IPCEF1: variants seen among roughly 807,000 people sequenced by gnomAD.
IPCEF1 encodes the protein interactor protein for cytohesin exchange factors 1.
In IPCEF1, 31 loss-of-function variants were observed where a neutral mutation model predicts 50.9. The ratio of observed to expected loss-of-function variants is 0.61; its 90% confidence interval spans 0.46 to 0.82. The LOEUF is 0.82. Among genes scored for constraint, IPCEF1 ranks in the 40% least tolerant of loss-of-function variants. The pLI, the probability that IPCEF1 is intolerant of heterozygous loss-of-function variation, is 0.00. For missense variants in IPCEF1, 458 were observed against 514.0 expected (o/e 0.89, Z 1.05); for synonymous variants, 181 against 192.0 (o/e 0.94, Z 0.47).
At chr6:154,335,116 C>T (rs1584000940) in intron 1 of IPCEF1, among the ~76,000 whole-genome samples, 1 of 151,742 alleles carries the variant, frequency 6.6e-6, no homozygotes, top group South Asian at 2.1e-4. Context: ...AGTTTGAGAC[C>T]AGCCTGGGCA....
At chr6:154,182,429 AC>A (rs1800969279) in intron 10 of IPCEF1, among the ~76,000 whole-genome samples, 1 of 152,088 alleles carries the variant, frequency 6.6e-6, no homozygotes, top group African/African-American at 2.4e-5. Flanking sequence ...TCTTAAGTTG[AC>A]TCCATTGCTC....
chr6:154,238,671 C>A (rs1362154301), intron 5 of IPCEF1, among the ~76,000 whole-genome samples: 1 of 151,970 alleles, frequency 6.6e-6, no homozygotes, highest in Non-Finnish European at 1.5e-5. Context: ...TTCCTATGAG[C>A]ACATACTACT....
chr6:154,252,969 C>T (rs1055297796), intron 3 of IPCEF1, among the ~76,000 whole-genome samples: 2 of 152,246 alleles, frequency 1.3e-5, no homozygotes, highest in African/African-American at 4.8e-5. Context: ...TACAGATACA[C>T]ACTTAGAAAG....
chr6:154,160,763 C>T (rs1339280777), intron 11 of IPCEF1, among the ~76,000 whole-genome samples: 1 of 152,118 alleles, frequency 6.6e-6, no homozygotes, highest in East Asian at 1.9e-4. Context: ...AATATTCAGC[C>T]CTGACAATTG....
intron 1 of IPCEF1, among the ~76,000 whole-genome samples, chr6:154,331,390 A>AGAAC (rs1252890739): frequency 7.2e-6 from 1 of 138,452 alleles, no homozygotes; most frequent in Admixed American, 7.5e-5. Flanking sequence ...AAAGAAAGAA[A>AGAAC]GAAAGAAAGA....
intron 1 of IPCEF1, among the ~76,000 whole-genome samples, chr6:154,329,136 G>C (rs917501597): frequency 2.0e-4 from 31 of 152,168 alleles, no homozygotes; most frequent in African/African-American, 7.2e-4. Flanking sequence ...AATCTGCCAC[G>C]TGCAGTGGCT....
intron 2 of IPCEF1, among the ~76,000 whole-genome samples, chr6:154,285,545 C>T (rs1164921258): frequency 1.3e-5 from 2 of 151,976 alleles, no homozygotes; most frequent in African/African-American, 4.8e-5. Context: ...TTAACCTGCC[C>T]TCTCAATAAT....
Position 154,293,311 on chromosome 6 carries a change from G to C in IPCEF1, c.-61-3555C>G, listed in dbSNP as rs114807200. ...CAATACAACCCAAGTCCAGGTCAGC[G>C]CAACTGCAGATGCTTATCTGGGTGG... is the stretch of plus-strand genomic sequence containing the variant. On this transcript the variant is annotated intron_variant, in intron 1 of 11. Transcript: ENST00000367220. Among the ~76,000 whole-genome samples, 1,294 of 152,274 alleles carry C rather than the reference G, an allele frequency of 8.5e-3. 22 individuals carry two copies. The highest frequency in any genetic ancestry group is 0.029 in the African/African-American group (1,221 of 41,562).
chr6:154,339,909 A>G (rs748359391), intron 1 of IPCEF1, among the ~76,000 whole-genome samples: 10 of 151,814 alleles, frequency 6.6e-5, no homozygotes, highest in Non-Finnish European at 1.3e-4. Flanking sequence ...GTGATAATTT[A>G]ATTTCAAGCA....
chr6:154,248,555 A>G (rs534281220), intron 3 of IPCEF1, among the ~76,000 whole-genome samples: 1 of 152,300 alleles, frequency 6.6e-6, no homozygotes, highest in South Asian at 2.1e-4. Flanking sequence ...CCTGGCTTAT[A>G]GTCTACATAT....
chr6:154,200,513 G>A (rs563213106), intron 9 of IPCEF1, among the ~76,000 whole-genome samples: 1 of 152,282 alleles, frequency 6.6e-6, no homozygotes, highest in African/African-American at 2.4e-5. Flanking sequence ...CTGAGGCCGG[G>A]AGTTTGAGAC....
At chr6:154,285,292 T>C (rs1200325989) in intron 2 of IPCEF1, among the ~76,000 whole-genome samples, 1 of 152,210 alleles carries the variant, frequency 6.6e-6, no homozygotes, top group Non-Finnish European at 1.5e-5. Flanking sequence ...TTTCACTTGC[T>C]GAGAAAACTT....
At chr6:154,273,371 A>G (rs1781946199) in intron 2 of IPCEF1, among the ~76,000 whole-genome samples, 1 of 152,224 alleles carries the variant, frequency 6.6e-6, no homozygotes, top group Non-Finnish European at 1.5e-5. Context: ...GCAAACGTCC[A>G]CACTCTACTG....
At chr6:154,337,820 G>A (rs745783475) in intron 1 of IPCEF1, among the ~76,000 whole-genome samples, 29 of 152,194 alleles carry the variant, frequency 1.9e-4, no homozygotes, top group Non-Finnish European at 1.8e-4. Flanking sequence ...ATGCAAAAGT[G>A]ATCAGGCCCA....
chr6:154,281,939 G>C (rs867163399), intron 2 of IPCEF1, among the ~76,000 whole-genome samples: 1 of 152,322 alleles, frequency 6.6e-6, no homozygotes, highest in East Asian at 1.9e-4. Context: ...AGAAGGTAGA[G>C]GTTGCAATGA....
chr6:154,221,353 CAT>C, intron 6 of IPCEF1, 25 bp from the exon 7 acceptor site: 1 of 1,599,680 alleles, frequency 6.3e-7, no homozygotes, highest in Non-Finnish European at 8.6e-7. Context: ...AGCACAAACA[CAT>C]AAAAAATTAG....
intron 5 of IPCEF1, among the ~76,000 whole-genome samples, chr6:154,242,697 G>A (rs1395225216): frequency 6.6e-6 from 1 of 152,120 alleles, no homozygotes; most frequent in Non-Finnish European, 1.5e-5. Context: ...GACTAGCCTG[G>A]CCAAGGTGGT....
rs201561354 is a variant in IPCEF1 at position 154,299,887 on chromosome 6, T to TA, written c.-61-10132dup. Among the ~76,000 whole-genome samples the TA allele has an allele frequency of 1.3e-3, 170 of 133,766 alleles. 12 individuals are homozygous for TA. The East Asian group carries it at 0.018, about 14-fold the overall frequency. The allele number at this position is 133,766 out of a possible 152,430, so 87.8% of individuals were successfully genotyped here. A position where few individuals can be genotyped will look rare whatever the true frequency, so the allele number is the denominator to read the frequency against. On this transcript the variant is annotated intron_variant, in intron 1 of 11. Coordinates refer to ENST00000367220, the MANE Select transcript of IPCEF1 (RefSeq NM_001130700.2). ...AGAAAAAAGAAAGTAGTCTATGACT[T>TA]AAAAAAAAAAACTTGGAAAACTGTG...
intron 3 of IPCEF1, among the ~76,000 whole-genome samples, chr6:154,256,566 TGC>T (rs1176371191): frequency 2.6e-5 from 3 of 115,730 alleles, no homozygotes; most frequent in Admixed American, 1.1e-4. Flanking sequence ...TCTCTCTCTG[TGC>T]GTGTGTGTGT....
Sources: gnomAD v4.1 joint callset for allele counts (sites outside exome capture counted in the v4.1 genomes callset) on GRCh38, gnomAD v4.1.1 for gene constraint, MANE v1.5 for transcripts, NCBI Gene and HGNC (gene_info 2026-07-23, HGNC 2026-07-21) for gene names.